The following ZCCHC14 variants were observed in gnomAD, a reference collection of about 807,000 sequenced individuals.
ZCCHC14 encodes zinc finger CCHC domain-containing protein 14.
In ZCCHC14, 16 loss-of-function variants were observed where a neutral mutation model predicts 85.0. That is an observed-to-expected ratio of 0.19 (90% CI 0.13 to 0.29). The LOEUF is 0.29. ZCCHC14 is among the 10% of genes least tolerant of loss of function. The probability of loss-of-function intolerance (pLI) is 1.00; values close to 1 mark genes in which losing one functional copy is unlikely to be tolerated. For synonymous variants in ZCCHC14, 775 were observed against 630.7 expected, an observed-to-expected ratio of 1.23 and a Z score of -3.43; for missense variants, 1,303 against 1,443.5, an observed-to-expected ratio of 0.90 and a Z score of 1.58.
At position 87,420,794 on chromosome 16, in the gene ZCCHC14, C is replaced by A; in HGVS notation, c.841-78G>T. ...CAGAATTCTGCTACTGCAGGAAAAC[C>A]TGGGGCAGGTGCTCCATGGTGCCGC... On this transcript the variant is annotated intron_variant, in intron 4 of 12. Coordinates refer to ENST00000671377, the MANE Select transcript of ZCCHC14 (RefSeq NM_015144.3). The surrounding 1 kb of genome is among the most constrained non-coding windows in gnomAD (Gnocchi z 5.0). 7.8e-7 allele frequency: 1 copy of A among 1,274,270 alleles called. No homozygotes were observed. 78.9% of individuals were successfully genotyped at this position (1,274,270 alleles called of 1,614,324 possible).
Position 87,420,493 on chromosome 16 carries a change from G to T in ZCCHC14, c.950+114C>A. The T allele has an allele frequency of 1.3e-6, 1 of 765,428 alleles. No homozygotes were observed. Among genetic ancestry groups the T allele is most frequent in the South Asian group, 1.9e-5 (1 of 53,322 alleles). The allele number at this position is 765,428 out of a possible 1,614,324, so 47.4% of individuals were successfully genotyped here. A position where few individuals can be genotyped will look rare whatever the true frequency, so the allele number is the denominator to read the frequency against. ...TCCCTAGAGGCCAAGTAGAGACCCA[G>T]GTCCAGGTGACCGCGCATCCTCCCA... On this transcript the variant is annotated intron_variant, in intron 5 of 12. Transcript: ENST00000671377. This position sits in a 1 kb window ranked among gnomAD's most constrained non-coding sequence, Gnocchi z 5.0.
intron 2 of ZCCHC14, among the ~76,000 whole-genome samples, chr16:87,446,697 CT>C (rs959305970): frequency 6.1e-5 from 9 of 148,692 alleles, no homozygotes; most frequent in East Asian, 2.0e-4. Flanking sequence ...AACTGACTTT[CT>C]TTTTTTTTTG....
rs1030545815 is a variant in ZCCHC14, at chr16:87,406,982, T to C, written c.*3298A>G. The C allele has an allele frequency of 6.6e-6, 1 of 152,200 alleles. No homozygotes were observed. The highest frequency in any genetic ancestry group is 1.5e-5 in the Non-Finnish European group (1 of 68,078). 9.4% of individuals were successfully genotyped at this position (152,200 alleles called of 1,614,324 possible). ...CAACCTTGAAGACCATCAGTCATCA[T>C]GATGTACAACGAGCAAGGCATAAAA... On this transcript the variant is annotated 3_prime_UTR_variant, in exon 13 of 13. Transcript: ENST00000671377.
At chr16:87,483,640 G>C (rs1004011788) in intron 1 of ZCCHC14, among the ~76,000 whole-genome samples, 15 of 152,186 alleles carry the variant, frequency 9.9e-5, no homozygotes, top group African/African-American at 3.6e-4. Flanking sequence ...CACCACACCA[G>C]GGCAAGTCTC....
At chr16:87,446,432 T>C (rs60194979) in intron 2 of ZCCHC14, among the ~76,000 whole-genome samples, 1 of 149,466 alleles carries the variant, frequency 6.7e-6, no homozygotes, top group Non-Finnish European at 1.5e-5. Context: ...TACAGTGAGC[T>C]GAGATTGCGC....
chr16:87,491,905 T>C lies in ZCCHC14; in HGVS notation c.334A>G (p.Ile112Val). 4 of 1,522,794 alleles carry C rather than the reference T, an allele frequency of 2.6e-6. No individual in the cohort carries two copies. Among genetic ancestry groups the C allele is most frequent in the East Asian group, 2.7e-5 (1 of 37,166 alleles). 94.3% of individuals were successfully genotyped at this position (1,522,794 alleles called of 1,614,324 possible). A position where few individuals can be genotyped will look rare whatever the true frequency, so the allele number is the denominator to read the frequency against. Residue 112 changes from isoleucine to valine, a missense_variant, in exon 1 of 13, where the codon ATC (isoleucine) becomes GTC (valine). Ile to Val is a conservative substitution (Grantham distance 29). Transcript: ENST00000671377. The surrounding 1 kb of genome is among the most constrained non-coding windows in gnomAD (Gnocchi z 5.9). Reference sequence around the variant, plus strand: ...CCGTAGTTGTGGATGATGGAGTCGATGTGCGTGAGCGTGCGGTAGAGCACG... The same window carrying C: ...CCGTAGTTGTGGATGATGGAGTCGACGTGCGTGAGCGTGCGGTAGAGCACG... ...AGVLYRTLTHIDSIIHNYGLQ... is the reference protein window; with the variant it reads ...AGVLYRTLTHVDSIIHNYGLQ...
intron 3 of ZCCHC14, among the ~76,000 whole-genome samples, chr16:87,432,371 G>A (rs1261858806): frequency 3.9e-5 from 6 of 152,202 alleles, no homozygotes; most frequent in African/African-American, 1.2e-4. Context: ...GTGTCTAGAG[G>A]CTGCTTTCAG....
intron 2 of ZCCHC14, among the ~76,000 whole-genome samples, chr16:87,452,278 A>G (rs1306197100): frequency 5.3e-5 from 8 of 152,232 alleles, no homozygotes. Context: ...TCAATCACCA[A>G]TGTGGGAACC....
intron 2 of ZCCHC14, among the ~76,000 whole-genome samples, chr16:87,456,301 C>T (rs766725776): frequency 6.6e-6 from 1 of 151,898 alleles, no homozygotes; most frequent in Non-Finnish European, 1.5e-5. Flanking sequence ...GAAGCCGAGG[C>T]GGGCGGATCA....
intron 4 of ZCCHC14, among the ~76,000 whole-genome samples, chr16:87,421,582 G>A (rs1567513590): frequency 6.6e-6 from 1 of 152,148 alleles, no homozygotes; most frequent in South Asian, 2.1e-4. Flanking sequence ...GCACCAGGTC[G>A]CAAACAAGCA....
chr16:87,460,715 A>C (rs1367582929), intron 1 of ZCCHC14, among the ~76,000 whole-genome samples: 1 of 152,172 alleles, frequency 6.6e-6, no homozygotes, highest in East Asian at 1.9e-4. Flanking sequence ...GAACTATGTT[A>C]GCCAAGGTGG....
chr16:87,418,786 T>C lies in ZCCHC14; in HGVS notation c.1100+61A>G. ...TTCTTGGAACAACTTTACACAGAAC[T>C]CAAAGTAAACATTGTAAAATGCTTA... On this transcript the variant is annotated intron_variant, in intron 7 of 12. Transcript: ENST00000671377. 5.9e-6 allele frequency: 9 copies of C among 1,519,284 alleles called. No homozygotes were observed. In the Admixed American group the frequency reaches 1.5e-4, roughly 26 times the overall value. 94.1% of individuals were successfully genotyped at this position (1,519,284 alleles called of 1,614,324 possible). A position where few individuals can be genotyped will look rare whatever the true frequency, so the allele number is the denominator to read the frequency against.
intron 1 of ZCCHC14, among the ~76,000 whole-genome samples, chr16:87,465,681 G>A (rs1278277532): frequency 2.6e-5 from 4 of 152,216 alleles, no homozygotes; most frequent in Non-Finnish European, 4.4e-5. Flanking sequence ...TGGCTGAAAC[G>A]CAGGTTTGAT....
chr16:87,467,393 T>A, intron 1 of ZCCHC14: 1 of 1,600,774 alleles, frequency 6.2e-7, no homozygotes. Flanking sequence ...TGGGCACAGT[T>A]TACTGTCAGG....
Position 87,418,911 on chromosome 16 carries a change from T to A in ZCCHC14, c.1046-10A>T. ...GAGGGATTGCCAGGACCTATAAATT[T>A]AAAAATAAATACCATAAAAATTTAC... On this transcript the variant is annotated splice_polypyrimidine_tract_variant and intron_variant, in intron 6 of 12. Transcript: ENST00000671377. 1 of 1,592,870 alleles carries A rather than the reference T, an allele frequency of 6.3e-7. No individual in the cohort carries two copies. Among genetic ancestry groups the A allele is most frequent in the South Asian group, 1.1e-5 (1 of 88,584 alleles).
Position 87,467,230 on chromosome 16 carries a change from C to T in ZCCHC14, c.571-7099G>A, listed in dbSNP as rs1011790387. 1.3e-5 allele frequency: 21 copies of T among 1,555,600 alleles called. No individual in the cohort carries two copies. The Middle Eastern group carries it at 7.4e-4, about 55-fold the overall frequency. On this transcript the variant is annotated intron_variant, in intron 1 of 12. Coordinates refer to ENST00000671377, the MANE Select transcript of ZCCHC14 (RefSeq NM_015144.3). ...TAAAAGGAAACTCGAATGAGGACTG[C>T]AAGCCTCTCGTTTTACCGGACACTA...
Position 87,415,258 on chromosome 16 carries a change from A to T in ZCCHC14, c.1475+18T>A, listed in dbSNP as rs369432416. Reference sequence around the variant, plus strand: ...AAATGGAAATAAACACAGGTTTCAAAACCCACTTCACACTCACTTTTCCAG... The same window carrying T: ...AAATGGAAATAAACACAGGTTTCAATACCCACTTCACACTCACTTTTCCAG... On this transcript the variant is annotated intron_variant, in intron 9 of 12. Transcript: ENST00000671377. 4.3e-6 allele frequency: 7 copies of T among 1,612,990 alleles called. No individual in the cohort carries two copies. In the African/African-American group the frequency reaches 8.0e-5, roughly 18 times the overall value.
At position 87,455,535 on chromosome 16, in the gene ZCCHC14, C is replaced by A. The variant is rs989268075; in HGVS notation, c.694+4473G>T. On this transcript the variant is annotated intron_variant, in intron 2 of 12. Transcript: ENST00000671377. ...CTAGCGTCCTACAGAAGCTCTTCTA[C>A]GATGAAGAACTTGACTCCTCCTGTG... 2.6e-5 allele frequency among the ~76,000 whole-genome samples: 4 copies of A among 152,168 alleles called. No homozygotes were observed. The South Asian group carries it at 8.3e-4, about 32-fold the overall frequency.
In ZCCHC14 at chr16:87,412,494, G is replaced by T; in HGVS notation, c.2227C>A (p.Leu743Met). Residue 743 changes from leucine (L) to methionine (M), a missense_variant, in exon 12 of 13, where the codon CTG becomes ATG. Transcript: ENST00000671377. ...VVHASTLDRV[L>M]KTAQQPALVV... ...AGGGCCGGTTGCTGTGCTGTCTTCA[G>T]CACCCTGTCCAGCGTGGATGCATGC... 1 of 1,614,032 alleles carries T rather than the reference G, an allele frequency of 6.2e-7. No homozygotes were observed. Among genetic ancestry groups the T allele is most frequent in the Non-Finnish European group, 8.5e-7 (1 of 1,180,036 alleles).
Sources: allele counts gnomAD v4.1 joint callset (sites outside exome capture counted in the v4.1 genomes callset), GRCh38; gene constraint gnomAD v4.1.1; non-coding constraint Gnocchi (gnomAD v3.1); transcripts MANE v1.5; gene names NCBI Gene and HGNC (gene_info 2026-07-23, HGNC 2026-07-21).